The following OTUD7B variants were observed in gnomAD, a reference collection of about 807,000 sequenced individuals.
OTUD7B encodes OTU deubiquitinase 7B.
Under a neutral mutation model 82.2 loss-of-function variants are expected in OTUD7B, and 34 were observed. The ratio of observed to expected loss-of-function variants is 0.41; its 90% CI spans 0.31 to 0.55. The LOEUF is 0.55. Among genes scored for constraint, OTUD7B ranks in the 20% least tolerant of loss-of-function variants. OTUD7B has a pLI of 0.20. For missense variants in OTUD7B, 944 were observed against 1,062.1 expected (o/e 0.89, Z 1.55); for synonymous variants, 398 against 402.7 (o/e 0.99, Z 0.14).
chr1:149,994,649 TA>T (rs1651812902), intron 1 of OTUD7B, among the ~76,000 whole-genome samples: 1 of 151,638 alleles, frequency 6.6e-6, no homozygotes, highest in African/African-American at 2.4e-5. Flanking sequence ...CTTGCTCTAT[TA>T]ACCAGGCTGG....
chr1:150,042,103 GACCCTCCC>G, the OTUD7B span, among the ~76,000 whole-genome samples: 1 of 78,330 alleles, frequency 1.3e-5, no homozygotes, highest in African/African-American at 4.8e-5. Flanking sequence ...CAGAGGTGCA[GACCCTCCC>G]TCCCTCCCTC....
At chr1:150,019,015 T>C in the OTUD7B span, among the ~76,000 whole-genome samples, 2 of 152,142 alleles carry the variant, frequency 1.3e-5, no homozygotes, top group African/African-American at 4.8e-5. Context: ...CCTATTCCTA[T>C]GGAATACCCC....
intron 1 of OTUD7B, among the ~76,000 whole-genome samples, chr1:149,978,126 G>A (rs1157864444): frequency 6.6e-6 from 1 of 152,216 alleles, no homozygotes; most frequent in Non-Finnish European, 1.5e-5. Context: ...TTGAGTGAAT[G>A]AACAATTACT....
chr1:149,983,849 T>C (rs1003089421), intron 1 of OTUD7B, among the ~76,000 whole-genome samples: 1 of 152,140 alleles, frequency 6.6e-6, no homozygotes, highest in Non-Finnish European at 1.5e-5. Context: ...GATTAGAAAA[T>C]TCTTGCAAAA....
intron 7 of OTUD7B, among the ~76,000 whole-genome samples, chr1:149,951,407 C>T (rs587756526): frequency 6.6e-6 from 1 of 152,264 alleles, no homozygotes; most frequent in East Asian, 1.9e-4. Context: ...CCTGGCCTTC[C>T]TGTGTGTTTC....
chr1:149,974,018 G>A (rs587623118), intron 2 of OTUD7B, among the ~76,000 whole-genome samples: 20 of 151,584 alleles, frequency 1.3e-4, no homozygotes, highest in African/African-American at 3.9e-4. Flanking sequence ...CACCACGCCC[G>A]GCCAAGTTTT....
rs1366020859 is a variant in OTUD7B at position 149,960,413 on chromosome 1, T to TTTTTTTTTTTTTTTTG, written c.733-618_733-617insCAAAAAAAAAAAAAAA. On this transcript the variant is annotated intron_variant, in intron 6 of 11. Coordinates refer to ENST00000581312, the MANE Select transcript of OTUD7B (RefSeq NM_020205.4). ...CCTTTTTTTCTTTTTTTTTTTTTTG[T>TTTTTTTTTTTTTTTTG]AGACAGAGTCACCCAGGCTGGAGTG... Among the ~76,000 whole-genome samples, 7 of 72,566 alleles carry TTTTTTTTTTTTTTTTG rather than the reference T, an allele frequency of 9.6e-5. 2 individuals are homozygous for TTTTTTTTTTTTTTTTG. The highest frequency in any genetic ancestry group is 5.3e-5 in the African/African-American group (1 of 18,792). 47.6% of individuals were successfully genotyped at this position (72,566 alleles called of 152,430 possible). A position where few individuals can be genotyped will look rare whatever the true frequency, so the allele number is the denominator to read the frequency against.
At chr1:149,979,223 C>T (rs1650544041) in intron 1 of OTUD7B, among the ~76,000 whole-genome samples, 2 of 152,108 alleles carry the variant, frequency 1.3e-5, no homozygotes, top group South Asian at 2.1e-4. Flanking sequence ...ACATCAGCTA[C>T]CAACAAACCA....
At chr1:149,947,394 T>C in intron 10 of OTUD7B, 59 bp from the exon 11 acceptor site, 2 of 1,051,008 alleles carry the variant, frequency 1.9e-6, no homozygotes, top group Non-Finnish European at 3.0e-6. Context: ...CAATTTGATA[T>C]AGTTGGGAGA....
At chr1:150,054,937 AT>A in the OTUD7B span, 2 of 304,044 alleles carry the variant, frequency 6.6e-6, no homozygotes. Flanking sequence ...GGACTCACAG[AT>A]TTTAACCAAA....
the OTUD7B span, among the ~76,000 whole-genome samples, chr1:150,025,589 CT>C: frequency 2.0e-5 from 3 of 152,144 alleles, no homozygotes; most frequent in East Asian, 5.8e-4. Flanking sequence ...AGACTGACTT[CT>C]TCCACACCAG....
the OTUD7B span, among the ~76,000 whole-genome samples, chr1:150,057,462 G>A: frequency 1.9e-4 from 29 of 152,278 alleles, no homozygotes; most frequent in Non-Finnish European, 2.4e-4. Flanking sequence ...TTCTCAGAGA[G>A]GCCAAATTGG....
In OTUD7B at chr1:149,972,390, T is replaced by C. The variant is rs138201401; in HGVS notation, c.86-1139A>G. On this transcript the variant is annotated intron_variant, in intron 2 of 11. Coordinates refer to ENST00000581312, the MANE Select transcript of OTUD7B (RefSeq NM_020205.4). ...CTTGCTGTTCCTAGAACATGCTAAGTCCACTCTCACTCTAGGGCCTTTCCA... is the reference window on the plus strand; with the variant it reads ...CTTGCTGTTCCTAGAACATGCTAAGCCCACTCTCACTCTAGGGCCTTTCCA... Among the ~76,000 whole-genome samples the C allele has an allele frequency of 5.6e-4, 85 of 152,314 alleles. 1 individual carries two copies. The highest frequency in any genetic ancestry group is 1.1e-3 in the Non-Finnish European group (72 of 68,022).
the OTUD7B span, chr1:150,055,040 C>CT: frequency 5.3e-5 from 3 of 56,270 alleles, no homozygotes; most frequent in Admixed American, 7.6e-4. Context: ...TTCTAAATTT[C>CT]CTTTTTTTTT....
chr1:149,987,254 GC>G (rs1651216183), intron 1 of OTUD7B, among the ~76,000 whole-genome samples: 3 of 152,126 alleles, frequency 2.0e-5, no homozygotes, highest in Admixed American at 2.0e-4. Context: ...CACATACAAT[GC>G]CACATTTTGT....
the OTUD7B span, among the ~76,000 whole-genome samples, chr1:150,020,109 C>T: frequency 3.9e-5 from 6 of 152,204 alleles, no homozygotes; most frequent in Non-Finnish European, 7.3e-5. Flanking sequence ...ACCTGGGTGA[C>T]GGAGTGAAAC....
the OTUD7B span, among the ~76,000 whole-genome samples, chr1:150,061,610 TA>T: frequency 6.6e-6 from 1 of 151,646 alleles, no homozygotes; most frequent in South Asian, 2.1e-4. Flanking sequence ...AGCATATAGG[TA>T]AAAAAAAGGA....
At chr1:150,029,692 C>T in the OTUD7B span, among the ~76,000 whole-genome samples, 1 of 152,150 alleles carries the variant, frequency 6.6e-6, no homozygotes, top group African/African-American at 2.4e-5. Context: ...TCTTGGCTTC[C>T]CATTTTTCAT....
chr1:149,971,467 T>C (rs1649931692), intron 2 of OTUD7B, among the ~76,000 whole-genome samples: 3 of 152,174 alleles, frequency 2.0e-5, no homozygotes, highest in South Asian at 4.1e-4. Context: ...GTAAGTGCCA[T>C]GAAAATAGAA....
Sources: allele counts gnomAD v4.1 joint callset (sites outside exome capture counted in the v4.1 genomes callset), GRCh38; gene constraint gnomAD v4.1.1; transcripts MANE v1.5; gene names NCBI Gene and HGNC (gene_info 2026-07-23, HGNC 2026-07-21).